Variants in CDH19 observed in about 807,000 individuals in gnomAD.
CDH19 encodes cadherin-19.
A neutral mutation model predicts 64.2 loss-of-function variants in CDH19; 67 were observed. That is an observed-to-expected ratio of 1.04 (90% CI 0.86 to 1.28). CDH19 has a LOEUF of 1.28. Ranked by LOEUF, CDH19 falls within the 50% of genes most tolerant of loss-of-function variation. CDH19 has a pLI of 0.00. For synonymous variants in CDH19, 346 were observed against 319.3 expected, an observed-to-expected ratio of 1.08 and a Z score of -0.89; for missense variants, 1,030 against 929.0, an observed-to-expected ratio of 1.11 and a Z score of -1.41.
At chr18:66,559,943 C>A (rs1211060093) in intron 3 of CDH19, among the ~76,000 whole-genome samples, 9 of 151,768 alleles carry the variant, frequency 5.9e-5, no homozygotes, top group Non-Finnish European at 1.2e-4. Flanking sequence ...AAATGGTTAA[C>A]TTGGAAAGAC....
chr18:66,556,380 C>T lies in CDH19; in HGVS notation c.491-1856G>A, dbSNP rs560953667. ...ACATTAGATCTCTAGATTTGTTTATCTTACTTATCTGATACTTTGTATTCT... is the reference window on the plus strand; with the variant it reads ...ACATTAGATCTCTAGATTTGTTTATTTTACTTATCTGATACTTTGTATTCT... On this transcript the variant is annotated intron_variant, in intron 3 of 11. Transcript: ENST00000262150. 8.6e-5 allele frequency among the ~76,000 whole-genome samples: 13 copies of T among 151,738 alleles called. No homozygotes were observed. In the South Asian group the frequency reaches 2.5e-3, roughly 29 times the overall value.
intron 9 of CDH19, among the ~76,000 whole-genome samples, chr18:66,527,726 C>T (rs1986278820): frequency 6.6e-6 from 1 of 151,144 alleles, no homozygotes; most frequent in African/African-American, 2.4e-5. Flanking sequence ...TTCACTCCAG[C>T]CTGGGCAACG....
chr18:66,561,188 A>C (rs1987709426), intron 3 of CDH19, among the ~76,000 whole-genome samples: 1 of 152,122 alleles, frequency 6.6e-6, no homozygotes, highest in Admixed American at 6.6e-5. Context: ...CTACAAGTAC[A>C]AAGTAAATGT....
At chr18:66,582,457 G>C (rs911806898) in intron 1 of CDH19, among the ~76,000 whole-genome samples, 3 of 151,898 alleles carry the variant, frequency 2.0e-5, no homozygotes, top group Admixed American at 2.0e-4. Flanking sequence ...AAAGAAATGT[G>C]AGTGGATACA....
intron 8 of CDH19, among the ~76,000 whole-genome samples, chr18:66,531,093 CG>C (rs1425077953): frequency 6.6e-6 from 1 of 152,036 alleles, no homozygotes; most frequent in Admixed American, 6.6e-5. Context: ...CAATGTAAAC[CG>C]ACTCTAGCAA....
At chr18:66,561,713 A>T (rs781558440) in intron 3 of CDH19, among the ~76,000 whole-genome samples, 4 of 152,134 alleles carry the variant, frequency 2.6e-5, no homozygotes, top group Non-Finnish European at 5.9e-5. Context: ...TGTAGTTTGT[A>T]TCCATTCTAA....
intron 1 of CDH19, among the ~76,000 whole-genome samples, chr18:66,576,778 T>A (rs1332471248): frequency 6.6e-6 from 1 of 151,618 alleles, no homozygotes; most frequent in African/African-American, 2.4e-5. Flanking sequence ...GATAAAAATA[T>A]GTTTATTTAC....
In CDH19 at chr18:66,544,242, A is replaced by G; in HGVS notation, c.961-18T>C. Reference sequence around the variant, plus strand: ...TCCACTTTCTGCAAAGAAACACAGTATACACAAAAGAAATGGCTTTAGTAA... The same window carrying G: ...TCCACTTTCTGCAAAGAAACACAGTGTACACAAAAGAAATGGCTTTAGTAA... On this transcript the variant is annotated intron_variant, in intron 6 of 11. Transcript: ENST00000262150. 2 of 1,599,996 alleles carry G rather than the reference A, an allele frequency of 1.3e-6. No homozygotes were observed. The highest frequency in any genetic ancestry group is 1.7e-6 in the Non-Finnish European group (2 of 1,173,928).
intron 3 of CDH19, among the ~76,000 whole-genome samples, chr18:66,555,739 C>T (rs1987493938): frequency 6.6e-6 from 1 of 151,478 alleles, no homozygotes; most frequent in African/African-American, 2.4e-5. Flanking sequence ...AAAGTTTTTC[C>T]AACAAAATAG....
intron 11 of CDH19, among the ~76,000 whole-genome samples, chr18:66,508,542 C>A (rs1371361156): frequency 6.6e-6 from 1 of 151,586 alleles, no homozygotes; most frequent in Non-Finnish European, 1.5e-5. Flanking sequence ...AGTTTCTATT[C>A]CTTCATCTGG....
chr18:66,512,384 G>A (rs1985532225), intron 9 of CDH19, among the ~76,000 whole-genome samples: 1 of 151,480 alleles, frequency 6.6e-6, no homozygotes, highest in Non-Finnish European at 1.5e-5. Flanking sequence ...AAGATATGCT[G>A]TCAAGATCAC....
chr18:66,531,130 T>C (rs1986429097), intron 8 of CDH19, among the ~76,000 whole-genome samples: 1 of 152,112 alleles, frequency 6.6e-6, no homozygotes, highest in South Asian at 2.1e-4. Context: ...AAACTACACA[T>C]ATCTGTGACC....
chr18:66,595,057 A>G (rs1440680540), intron 1 of CDH19, among the ~76,000 whole-genome samples: 1 of 151,822 alleles, frequency 6.6e-6, no homozygotes, highest in Admixed American at 6.6e-5. Flanking sequence ...CAAACCATAC[A>G]GTTACATGGA....
intron 1 of CDH19, among the ~76,000 whole-genome samples, chr18:66,595,864 A>G (rs1161655367): frequency 6.6e-6 from 1 of 152,176 alleles, no homozygotes; most frequent in Non-Finnish European, 1.5e-5. Context: ...ACTCAATAGC[A>G]GAAGAAAACT....
chr18:66,535,188 A>G lies in CDH19; in HGVS notation c.1215-81T>C, dbSNP rs1986612417. On this transcript the variant is annotated intron_variant, in intron 7 of 11. Coordinates refer to ENST00000262150, the MANE Select transcript of CDH19 (RefSeq NM_021153.4). ...TAGATAATACTCTTTAAGCAATAAG[A>G]CATCTTATTCAATGCATGCTCTACA... The G allele has an allele frequency of 7.2e-6, 6 of 836,302 alleles. No homozygotes were observed. The South Asian group carries it at 1.6e-4, about 23-fold the overall frequency. The allele number at this position is 836,302 out of a possible 1,614,324, so 51.8% of individuals were successfully genotyped here.
At chr18:66,583,926 C>G (rs931369516) in intron 1 of CDH19, among the ~76,000 whole-genome samples, 1 of 152,052 alleles carries the variant, frequency 6.6e-6, no homozygotes, top group Non-Finnish European at 1.5e-5. Context: ...CAATACCATT[C>G]TGGGCATAGC....
At chr18:66,558,436 C>T (rs887710105) in intron 3 of CDH19, among the ~76,000 whole-genome samples, 3 of 151,706 alleles carry the variant, frequency 2.0e-5, no homozygotes, top group Non-Finnish European at 2.9e-5. Context: ...TTTAAATCCT[C>T]TTGGATTGTT....
At chr18:66,601,420 A>T (rs764519487) in intron 1 of CDH19, among the ~76,000 whole-genome samples, 14 of 151,934 alleles carry the variant, frequency 9.2e-5, no homozygotes, top group Non-Finnish European at 1.9e-4. Context: ...AGTATCTTGC[A>T]AATTTGCAAA....
At chr18:66,564,177 T>C (rs1987821615) in intron 3 of CDH19, among the ~76,000 whole-genome samples, 2 of 151,938 alleles carry the variant, frequency 1.3e-5, no homozygotes, top group African/African-American at 2.4e-5. Flanking sequence ...CTCTCCTTTA[T>C]GACATATTGT....
Sources: allele counts gnomAD v4.1 joint callset (sites outside exome capture counted in the v4.1 genomes callset), GRCh38; gene constraint gnomAD v4.1.1; transcripts MANE v1.5; gene names NCBI Gene and HGNC (gene_info 2026-07-23, HGNC 2026-07-21).